Variants in ALMS1 observed in about 807,000 individuals in gnomAD.
ALMS1 encodes the protein centrosome-associated protein ALMS1.
ALMS1 carries 271 observed loss-of-function variants against 352.2 expected under a neutral mutation model. The ratio of observed to expected loss-of-function variants is 0.77; its 90% CI spans 0.70 to 0.85. The LOEUF is 0.85. Among genes scored for constraint, ALMS1 ranks in the 40% least tolerant of loss-of-function variants. ALMS1 has a pLI of 0.00. For synonymous variants in ALMS1, 1,865 were observed against 1,761.2 expected, an observed-to-expected ratio of 1.06 and a Z score of -1.48; for missense variants, 5,445 against 4,870.7, an observed-to-expected ratio of 1.12 and a Z score of -3.51.
intron 10 of ALMS1, among the ~76,000 whole-genome samples, chr2:73,507,922 A>T (rs1673365937): frequency 6.6e-6 from 1 of 152,032 alleles, no homozygotes; most frequent in Non-Finnish European, 1.5e-5. Flanking sequence ...TTAGTGCTAT[A>T]AATTTCCCTC....
In ALMS1 at chr2:73,601,450, G is replaced by GACTTA. The variant is rs774238290; in HGVS notation, c.12114+19_12114+23dup. ...GCAACCCTTCAGGTGCAGTGACGTT[G>GACTTA]ACTTAACTTTAATGCTACGTGTAGG... On this transcript the variant is annotated intron_variant, in intron 19 of 22. Transcript: ENST00000613296. The GACTTA allele has an allele frequency of 2.5e-6, 4 of 1,613,548 alleles. No homozygotes were observed. The Admixed American group carries it at 6.7e-5, about 27-fold the overall frequency.
Position 73,451,972 on chromosome 2 carries a change from C to T in ALMS1, c.5445C>T (p.Ser1815=). 6.2e-7 allele frequency: 1 copy of T among 1,612,820 alleles called. No homozygotes were observed. The highest frequency in any genetic ancestry group is 8.5e-7 in the Non-Finnish European group (1 of 1,179,584). The change falls in exon 8 of 23, where the codon TCC becomes TCT. Residue 1815 remains serine (S), a synonymous_variant. Coordinates refer to ENST00000613296, the MANE Select transcript of ALMS1 (RefSeq NM_001378454.1). The stretch of plus-strand genomic sequence containing the variant: ...CACACAGAGAGAAGCCCATTGTTTC[C>T]TACCAGCGAGAGTTGCCGCATTTTA... ...SYSHREKPIV[S]YQRELPHFTE... is the part of the protein sequence containing the mutation.
At chr2:73,517,766 TC>T (rs1461080377) in intron 10 of ALMS1, among the ~76,000 whole-genome samples, 1 of 152,112 alleles carries the variant, frequency 6.6e-6, no homozygotes, top group Non-Finnish European at 1.5e-5. Context: ...CAAGTGATTC[TC>T]CTGCCTCAGC....
At chr2:73,601,516 T>G in intron 19 of ALMS1, 80 bp downstream of exon 19, 2 of 1,566,702 alleles carry the variant, frequency 1.3e-6, no homozygotes, top group Non-Finnish European at 1.7e-6. Flanking sequence ...CTCTGTGACT[T>G]GGTGAGCTGA....
chr2:73,523,096 C>A (rs1042102506), intron 11 of ALMS1, among the ~76,000 whole-genome samples: 1 of 152,114 alleles, frequency 6.6e-6, no homozygotes, highest in Non-Finnish European at 1.5e-5. Context: ...CTTGTTTGTT[C>A]CCAAATGCAT....
At chr2:73,589,710 T>C (rs1675385046) in intron 16 of ALMS1, among the ~76,000 whole-genome samples, 2 of 152,238 alleles carry the variant, frequency 1.3e-5, no homozygotes, top group African/African-American at 2.4e-5. Flanking sequence ...AATCACATAA[T>C]GCTCCATGGA....
intron 13 of ALMS1, among the ~76,000 whole-genome samples, chr2:73,550,831 G>C (rs1202887096): frequency 1.3e-5 from 2 of 151,858 alleles, no homozygotes; most frequent in Non-Finnish European, 2.9e-5. Flanking sequence ...ATATGTAGCT[G>C]ACATGATTTT....
chr2:73,601,385 C>G lies in ALMS1; in HGVS notation c.12063C>G (p.Gly4021=). ...GTCGGGGCTACCTGGCAGGCCCAGGCAGAGAGGCTGGCAGAGACCTACTGA... is the reference window on the plus strand; with the variant it reads ...GTCGGGGCTACCTGGCAGGCCCAGGGAGAGAGGCTGGCAGAGACCTACTGA... ...LDGRGYLAGP[G]REAGRDLLRP... is the part of the protein sequence containing the mutation. The change falls in exon 19 of 23, where the codon GGC becomes GGG. Residue 4021 remains glycine (G), a synonymous_variant. Transcript: ENST00000613296. 1 of 1,614,088 alleles carries G rather than the reference C, an allele frequency of 6.2e-7. No individual in the cohort carries two copies.
At chr2:73,554,907 T>C (rs921014698) in intron 13 of ALMS1, among the ~76,000 whole-genome samples, 14 of 152,132 alleles carry the variant, frequency 9.2e-5, no homozygotes, top group Non-Finnish European at 2.9e-5. Context: ...TACTTAGAAA[T>C]GAATCTAAAA....
At position 73,464,545 on chromosome 2, in the gene ALMS1, G is replaced by T. The variant is rs538145971; in HGVS notation, c.7674+9250G>T. Among the ~76,000 whole-genome samples the T allele has an allele frequency of 5.3e-4, 81 of 152,256 alleles. No homozygotes were observed. The East Asian group carries it at 0.014, about 27-fold the overall frequency. On this transcript the variant is annotated intron_variant, in intron 9 of 22. Transcript: ENST00000613296. ...CTTTGAAAACAGGCACAAGACAGGGGTGCCCTCTCTCACCACTCCTATTCA... is the reference window on the plus strand; with the variant it reads ...CTTTGAAAACAGGCACAAGACAGGGTTGCCCTCTCTCACCACTCCTATTCA...
chr2:73,500,124 A>G (rs989591208), intron 10 of ALMS1, among the ~76,000 whole-genome samples: 2 of 152,196 alleles, frequency 1.3e-5, no homozygotes, highest in African/African-American at 2.4e-5. Flanking sequence ...AATATGATGA[A>G]TAATTTTGGA....
rs72811917 is a variant in ALMS1 at position 73,454,303 on chromosome 2, A to G, written c.7540+236A>G. On this transcript the variant is annotated intron_variant, in intron 8 of 22. Coordinates refer to ENST00000613296, the MANE Select transcript of ALMS1 (RefSeq NM_001378454.1). Reference sequence around the variant, plus strand: ...ACCAATAATGTAGTTAAGTTACAGTATTAATAGTACCAGCCTGAGTTTACG... The same window carrying G: ...ACCAATAATGTAGTTAAGTTACAGTGTTAATAGTACCAGCCTGAGTTTACG... 1.9e-3 allele frequency: 1,866 copies of G among 983,082 alleles called. 4 individuals carry two copies. Among genetic ancestry groups the G allele is most frequent in the Non-Finnish European group, 2.1e-3 (1,774 of 827,818 alleles). 60.9% of individuals were successfully genotyped at this position (983,082 alleles called of 1,614,324 possible). A position where few individuals can be genotyped will look rare whatever the true frequency, so the allele number is the denominator to read the frequency against.
At chr2:73,424,321 CTT>C in intron 4 of ALMS1, 107 bp from the exon 5 acceptor site, 1 of 747,076 alleles carries the variant, frequency 1.3e-6, no homozygotes, top group Non-Finnish European at 2.0e-6. Context: ...TTTCAATACA[CTT>C]TTCAAATAAA....
At chr2:73,597,787 T>G (rs1675581907) in intron 16 of ALMS1, among the ~76,000 whole-genome samples, 1 of 152,074 alleles carries the variant, frequency 6.6e-6, no homozygotes, top group Non-Finnish European at 1.5e-5. Context: ...AGAGCTTTTT[T>G]TTTTTTTTCC....
intron 10 of ALMS1, among the ~76,000 whole-genome samples, chr2:73,507,518 G>A (rs955986968): frequency 6.6e-6 from 1 of 151,990 alleles, no homozygotes. Flanking sequence ...TGTATGTGTC[G>A]AGGAATTTAT....
At position 73,557,295 on chromosome 2, in the gene ALMS1, G is replaced by A; in HGVS notation, c.10154G>A (p.Arg3385Lys). 11 of 1,614,162 alleles carry A rather than the reference G, an allele frequency of 6.8e-6. No individual in the cohort carries two copies. Among genetic ancestry groups the A allele is most frequent in the Non-Finnish European group, 9.3e-6 (11 of 1,180,010 alleles). Residue 3385 changes from arginine to lysine, a missense_variant, in exon 14 of 23, where the codon AGG becomes AAG. Physicochemically the swap from Arg to Lys is conservative, Grantham distance 26 (BLOSUM62 2). Coordinates refer to ENST00000613296, the MANE Select transcript of ALMS1 (RefSeq NM_001378454.1). ...AAACAGCAAGAGATTCACAGTACAA[G>A]GGCAGTGACTGAGGCTGCCCAGGCT... ...DKKQQEIHST[R>K]AVTEAAQAKE...
Position 73,572,800 on chromosome 2 carries a change from A to T in ALMS1, c.10923A>T (p.Thr3641=). The change falls in exon 16 of 23, where the codon ACA becomes ACT. Residue 3641 remains threonine (T), a synonymous_variant. Transcript: ENST00000613296. ...RLAKILQNPI[T]HSLQVSESTH... ...CTAAAATTCTTCAGAATCCAATCACACATTCTCTCCAGGTCTCAGAAAGTA... is the reference window on the plus strand; with the variant it reads ...CTAAAATTCTTCAGAATCCAATCACTCATTCTCTCCAGGTCTCAGAAAGTA... The T allele has an allele frequency of 1.2e-6, 2 of 1,614,106 alleles. No individual in the cohort carries two copies. The highest frequency in any genetic ancestry group is 1.7e-6 in the Non-Finnish European group (2 of 1,179,992).
At chr2:73,525,214 C>T (rs1005957385) in intron 11 of ALMS1, among the ~76,000 whole-genome samples, 2 of 152,082 alleles carry the variant, frequency 1.3e-5, no homozygotes, top group African/African-American at 2.4e-5. Flanking sequence ...TTGGCTATGG[C>T]GAACAGTGTT....
chr2:73,445,743 A>G (rs1399308617), intron 7 of ALMS1, among the ~76,000 whole-genome samples: 1 of 151,162 alleles, frequency 6.6e-6, no homozygotes, highest in African/African-American at 2.4e-5. Context: ...TCTAAGAGGC[A>G]TACAGTTCCC....
Sources: allele counts gnomAD v4.1 joint callset (sites outside exome capture counted in the v4.1 genomes callset), GRCh38; gene constraint gnomAD v4.1.1; transcripts MANE v1.5; gene names NCBI Gene and HGNC (gene_info 2026-07-23, HGNC 2026-07-21).